SPATA13: variants seen among roughly 807,000 people sequenced by gnomAD.
SPATA13 encodes the protein spermatogenesis-associated protein 13.
A neutral mutation model predicts 104.0 loss-of-function variants in SPATA13; 50 were observed. The observed-to-expected ratio is 0.48, with a 90% CI of 0.38 to 0.61. The LOEUF is 0.61. Ranked by LOEUF, SPATA13 falls within the 20% of genes least tolerant of loss-of-function variation. SPATA13 has a pLI of 0.00. For synonymous variants in SPATA13, 606 were observed against 667.5 expected, an observed-to-expected ratio of 0.91 and a Z score of 1.42; for missense variants, 1,524 against 1,690.6, an observed-to-expected ratio of 0.90 and a Z score of 1.73.
At chr13:24,030,310 T>C (rs1730169211) in intron 3 of SPATA13, among the ~76,000 whole-genome samples, 1 of 152,184 alleles carries the variant, frequency 6.6e-6, no homozygotes, top group Non-Finnish European at 1.5e-5. Flanking sequence ...TTCACTGCTC[T>C]ATAAACTCCT....
chr13:24,037,230 C>T (rs1877720911), intron 3 of SPATA13, among the ~76,000 whole-genome samples: 2 of 148,382 alleles, frequency 1.3e-5, no homozygotes, highest in South Asian at 2.2e-4. Context: ...GGAGGGATGG[C>T]ATTAGGAGAT....
chr13:24,183,973 C>T (rs925814049), intron 1 of SPATA13, among the ~76,000 whole-genome samples: 1 of 152,110 alleles, frequency 6.6e-6, no homozygotes, highest in African/African-American at 2.4e-5. Flanking sequence ...GACATTACTC[C>T]CCCCTCTACC....
At chr13:24,301,579 C>T (rs962858684) in intron 12 of SPATA13, among the ~76,000 whole-genome samples, 1 of 152,208 alleles carries the variant, frequency 6.6e-6, no homozygotes, top group Non-Finnish European at 1.5e-5. Context: ...GGACTGCTGA[C>T]GTTCACAGGT....
chr13:24,228,290 T>C (rs567662511), intron 2 of SPATA13, among the ~76,000 whole-genome samples: 12 of 152,076 alleles, frequency 7.9e-5, no homozygotes, highest in East Asian at 3.9e-4. Flanking sequence ...ATGTTTTCTA[T>C]TTTTTTAGTA....
intron 3 of SPATA13, among the ~76,000 whole-genome samples, chr13:24,027,398 G>T (rs1877278273): frequency 6.6e-6 from 1 of 152,020 alleles, no homozygotes; most frequent in African/African-American, 2.4e-5. Context: ...CTCCCAAAGT[G>T]CTGGGATTAC....
intron 2 of SPATA13, among the ~76,000 whole-genome samples, chr13:24,238,659 G>A (rs1220591): frequency 0.13 from 19,467 of 152,126 alleles, 1,420 homozygotes; most frequent in African/African-American, 0.2. Context: ...GGGGACAGGC[G>A]GCTGAAGTCT....
chr13:23,983,780 A>G, exon 2 of SPATA13: 4 of 549,528 alleles, frequency 7.3e-6, no homozygotes, highest in Non-Finnish European at 9.3e-6. Flanking sequence ...GCCTAGTTCC[A>G]GCTAGGGGTG....
rs187193705 is a variant in SPATA13, at chr13:24,213,389, C to T, written c.-111-9430C>T. On this transcript the variant is annotated intron_variant, in intron 1 of 12. Coordinates refer to ENST00000382108, the MANE Select transcript of SPATA13 (RefSeq NM_001166271.3). ...TCAAGCAATTCTTTTGCCTCAGCCTCACGAGTAGCTGGGACTACAGGTGTG... is the reference window on the plus strand; with the variant it reads ...TCAAGCAATTCTTTTGCCTCAGCCTTACGAGTAGCTGGGACTACAGGTGTG... Among the ~76,000 whole-genome samples the T allele has an allele frequency of 2.6e-4, 39 of 152,318 alleles. 1 individual carries two copies. In the East Asian group the frequency reaches 5.6e-3, roughly 22 times the overall value.
At chr13:24,091,658 C>T (rs1306830435) in intron 3 of SPATA13, among the ~76,000 whole-genome samples, 1 of 152,132 alleles carries the variant, frequency 6.6e-6, no homozygotes, top group Non-Finnish European at 1.5e-5. Flanking sequence ...TAAAAATACA[C>T]AAAGTAGCTA....
At chr13:24,153,850 GT>G (rs1419481654) in intron 3 of SPATA13, among the ~76,000 whole-genome samples, 1 of 152,198 alleles carries the variant, frequency 6.6e-6, no homozygotes, top group Admixed American at 6.5e-5. Context: ...ATCCCTTGGG[GT>G]TGGAATCCTA....
Position 24,304,762 on chromosome 13 carries a change from T to C in SPATA13, c.*1989T>C, listed in dbSNP as rs1877464714. On this transcript the variant is annotated 3_prime_UTR_variant, in exon 13 of 13. Coordinates refer to ENST00000382108, the MANE Select transcript of SPATA13 (RefSeq NM_001166271.3). The stretch of plus-strand genomic sequence containing the variant: ...TGGCTGACAGCCCGAGTTGCTTCTG[T>C]GGACCATCATGCCGCTCGGCACGTC... 6.6e-6 allele frequency: 1 copy of C among 152,270 alleles called. No homozygotes were observed. Among genetic ancestry groups the C allele is most frequent in the Admixed American group, 6.5e-5 (1 of 15,284 alleles). 9.4% of individuals were successfully genotyped at this position (152,270 alleles called of 1,614,324 possible).
intron 2 of SPATA13, among the ~76,000 whole-genome samples, chr13:24,005,927 C>G (rs1398239053): frequency 6.6e-6 from 1 of 152,180 alleles, no homozygotes; most frequent in East Asian, 1.9e-4. Context: ...TTCTAAAAGA[C>G]CGTACTGTTT....
In SPATA13 at chr13:24,303,298, C is replaced by A; in HGVS notation, c.*525C>A. ...TGTAATACTGGGGGACCTACAGCTG[C>A]CGTGGGGCTGACCACGGTGTTCCCT... On this transcript the variant is annotated 3_prime_UTR_variant, in exon 13 of 13. Coordinates refer to ENST00000382108, the MANE Select transcript of SPATA13 (RefSeq NM_001166271.3). 5.4e-6 allele frequency: 2 copies of A among 371,062 alleles called. No individual in the cohort carries two copies. Among genetic ancestry groups the A allele is most frequent in the Non-Finnish European group, 1.1e-5 (2 of 185,124 alleles). 23.0% of individuals were successfully genotyped at this position (371,062 alleles called of 1,614,324 possible).
At chr13:24,006,509 T>C (rs1297084596) in intron 2 of SPATA13, among the ~76,000 whole-genome samples, 4 of 152,182 alleles carry the variant, frequency 2.6e-5, no homozygotes, top group African/African-American at 4.8e-5. Flanking sequence ...CACAGCAAAC[T>C]GGGAGGCTCA....
intron 4 of SPATA13, among the ~76,000 whole-genome samples, chr13:24,263,559 A>G (rs1197455193): frequency 6.6e-6 from 1 of 152,230 alleles, no homozygotes; most frequent in Non-Finnish European, 1.5e-5. Flanking sequence ...CATATAACCC[A>G]TGCCCATCCT....
intron 5 of SPATA13, among the ~76,000 whole-genome samples, chr13:24,285,751 G>A (rs980368536): frequency 4.8e-5 from 7 of 145,478 alleles, no homozygotes; most frequent in African/African-American, 7.7e-5. Context: ...CACGATCTCC[G>A]CTCACTGCAA....
intron 3 of SPATA13, among the ~76,000 whole-genome samples, chr13:24,027,930 A>G (rs1877306276): frequency 1.3e-5 from 2 of 152,198 alleles, no homozygotes; most frequent in Non-Finnish European, 2.9e-5. Flanking sequence ...CTGCTTAAAC[A>G]TCATTAGCCA....
chr13:24,163,022 G>A (rs1882571236), intron 1 of SPATA13, among the ~76,000 whole-genome samples: 1 of 152,200 alleles, frequency 6.6e-6, no homozygotes, highest in South Asian at 2.1e-4. Context: ...AAAGCCTGGG[G>A]CCAGTGCCTG....
chr13:24,084,070 CCTT>C (rs373487728), intron 3 of SPATA13, among the ~76,000 whole-genome samples: 66 of 151,932 alleles, frequency 4.3e-4, no homozygotes, highest in East Asian at 3.9e-3. Flanking sequence ...CGTTTTTACT[CCTT>C]CTTCTCAGAA....
Sources: gnomAD v4.1 joint callset for allele counts (sites outside exome capture counted in the v4.1 genomes callset) on GRCh38, gnomAD v4.1.1 for gene constraint, MANE v1.5 for transcripts, NCBI Gene and HGNC (gene_info 2026-07-23, HGNC 2026-07-21) for gene names.